Variants in FGF14 observed in about 807,000 individuals in gnomAD.
FGF14 encodes fibroblast growth factor 14, also known as fibroblast growth factor homologous factor 4.
In FGF14, 5 loss-of-function variants were observed where a neutral mutation model predicts 25.5. That is an observed-to-expected ratio of 0.20 (90% CI 0.10 to 0.41). The LOEUF (loss-of-function observed/expected upper bound fraction) is 0.41. FGF14 is among the 10% of genes least tolerant of loss of function. The pLI is 1.00. For synonymous variants in FGF14, 138 were observed against 118.3 expected (o/e 1.17, Z -1.08); for missense variants, 222 against 320.1 (o/e 0.69, Z 2.34).
At chr13:101,852,695 G>A (rs1253973276) in intron 3 of FGF14, among the ~76,000 whole-genome samples, 1 of 152,022 alleles carries the variant, frequency 6.6e-6, no homozygotes, top group African/African-American at 2.4e-5. Flanking sequence ...AAGAATACTT[G>A]ATGTCAAAAC....
At chr13:102,248,689 G>A (rs1057346689) in intron 1 of FGF14, among the ~76,000 whole-genome samples, 6 of 152,020 alleles carry the variant, frequency 3.9e-5, no homozygotes, top group East Asian at 1.9e-4. Context: ...TTTGCACCAG[G>A]AATTAACAGA....
At chr13:102,198,072 C>T (rs2049445147) in intron 1 of FGF14, among the ~76,000 whole-genome samples, 2 of 152,310 alleles carry the variant, frequency 1.3e-5, no homozygotes, top group African/African-American at 2.4e-5. Context: ...TATCCTTCCC[C>T]TACCCGCCCT....
chr13:102,141,103 C>T (rs1482035006), intron 1 of FGF14, among the ~76,000 whole-genome samples: 1 of 152,190 alleles, frequency 6.6e-6, no homozygotes, highest in East Asian at 1.9e-4. Flanking sequence ...GCTTCCTCTA[C>T]TAGAAATAGA....
intron 1 of FGF14, among the ~76,000 whole-genome samples, chr13:102,098,744 CA>C (rs1425202212): frequency 2.0e-5 from 3 of 152,164 alleles, no homozygotes; most frequent in Non-Finnish European, 2.9e-5. Context: ...GAGGACCTAT[CA>C]GGGGACATTG....
chr13:102,316,049 T>C (rs1249411778), intron 1 of FGF14, among the ~76,000 whole-genome samples: 1 of 152,184 alleles, frequency 6.6e-6, no homozygotes, highest in African/African-American at 2.4e-5. Flanking sequence ...CAGTGCTGTC[T>C]CATTAGGGGA....
chr13:102,141,313 G>A (rs1279581506), intron 1 of FGF14, among the ~76,000 whole-genome samples: 1 of 152,180 alleles, frequency 6.6e-6, no homozygotes, highest in Admixed American at 6.5e-5. Context: ...GGAGCCATGA[G>A]TTCAAGAGCC....
intron 1 of FGF14, among the ~76,000 whole-genome samples, chr13:102,204,052 A>G (rs975790868): frequency 1.3e-5 from 2 of 152,194 alleles, no homozygotes; most frequent in Non-Finnish European, 2.9e-5. Context: ...TTCTGCTCCA[A>G]TTAAAACTTT....
chr13:101,738,592 A>G (rs1450431836), intron 3 of FGF14, among the ~76,000 whole-genome samples: 1 of 152,122 alleles, frequency 6.6e-6, no homozygotes, highest in Admixed American at 6.5e-5. Flanking sequence ...AAAAGAGGCA[A>G]TACCTTCTGG....
chr13:101,750,910 CTAAG>C (rs1425593899), intron 3 of FGF14, among the ~76,000 whole-genome samples: 6 of 151,992 alleles, frequency 3.9e-5, no homozygotes, highest in Non-Finnish European at 8.8e-5. Flanking sequence ...ATGCATATTA[CTAAG>C]TAAGAGAAGC....
chr13:101,793,736 C>T (rs1003232845), intron 3 of FGF14, among the ~76,000 whole-genome samples: 5 of 152,112 alleles, frequency 3.3e-5, no homozygotes, highest in African/African-American at 1.2e-4. Context: ...TGACCCATCA[C>T]TTCCTACACC....
At chr13:102,360,989 T>C (rs1381586366) in intron 1 of FGF14, among the ~76,000 whole-genome samples, 4 of 151,948 alleles carry the variant, frequency 2.6e-5, no homozygotes, top group African/African-American at 9.7e-5. Flanking sequence ...TTCTAAAATA[T>C]CTCCCAGTGA....
chr13:102,100,056 G>T lies in FGF14; in HGVS notation c.209-224760C>A, dbSNP rs184987305. 1.3e-3 allele frequency among the ~76,000 whole-genome samples: 197 copies of T among 152,228 alleles called. 2 individuals are homozygous for T. Among genetic ancestry groups the T allele is most frequent in the African/African-American group, 4.5e-3 (185 of 41,528 alleles). ...GAGGCTAGGAGAAGATAAAAGCTAG[G>T]TTTTTCTTATTCCATGAAAGACAAT... On this transcript the variant is annotated intron_variant, in intron 1 of 4. Coordinates refer to the FGF14 transcript ENST00000376131.
At chr13:102,006,724 C>CT (rs1566562317) in intron 1 of FGF14, among the ~76,000 whole-genome samples, 5 of 97,934 alleles carry the variant, frequency 5.1e-5, no homozygotes, top group Admixed American at 1.3e-4. Context: ...CAAAATCTTA[C>CT]TTCTTTTTTT....
chr13:102,110,043 T>A (rs2045140482), intron 1 of FGF14, among the ~76,000 whole-genome samples: 1 of 152,192 alleles, frequency 6.6e-6, no homozygotes, highest in Admixed American at 6.5e-5. Context: ...TCAGAATCCA[T>A]AATGTTCTAA....
rs2035011178 is a variant in FGF14, at chr13:101,721,824, G to C, written c.*1007C>G. The C allele has an allele frequency of 6.6e-6, 1 of 151,238 alleles. No individual in the cohort carries two copies. The highest frequency in any genetic ancestry group is 1.5e-5 in the Non-Finnish European group (1 of 67,884). 9.4% of individuals were successfully genotyped at this position (151,238 alleles called of 1,614,324 possible). On this transcript the variant is annotated 3_prime_UTR_variant, in exon 5 of 5. Coordinates refer to ENST00000376143, the MANE Select transcript of FGF14 (RefSeq NM_004115.4). ...AGTATATCTGAAATGGATTTAGGTA[G>C]CGCAATTCTTGTAGGTTATAATTAC...
intron 1 of FGF14, chr13:102,394,526 A>G (rs990886047): frequency 6.6e-6 from 1 of 152,318 alleles, no homozygotes; most frequent in South Asian, 2.1e-4. Flanking sequence ...CAACAACAGC[A>G]CAAGCTGCCG....
intron 3 of FGF14, among the ~76,000 whole-genome samples, chr13:101,850,719 TAG>T (rs199824495): frequency 2.0e-5 from 3 of 146,354 alleles, no homozygotes; most frequent in Admixed American, 6.9e-5. Context: ...AATACATATA[TAG>T]AGAGAGAAGA....
At chr13:102,149,762 G>A (rs549943064) in intron 1 of FGF14, among the ~76,000 whole-genome samples, 1 of 152,320 alleles carries the variant, frequency 6.6e-6, no homozygotes, top group East Asian at 1.9e-4. Flanking sequence ...AGCAGCCCAG[G>A]GCAGAGCTCC....
intron 3 of FGF14, among the ~76,000 whole-genome samples, chr13:101,743,292 T>C (rs1434166326): frequency 6.6e-6 from 1 of 152,204 alleles, no homozygotes; most frequent in East Asian, 1.9e-4. Flanking sequence ...AGATCTGTAA[T>C]ACTGTCTGGC....
Sources: gnomAD v4.1 joint callset for allele counts (sites outside exome capture counted in the v4.1 genomes callset) on GRCh38, gnomAD v4.1.1 for gene constraint, MANE v1.5 for transcripts, NCBI Gene and HGNC (gene_info 2026-07-23, HGNC 2026-07-21) for gene names.